The following AFG2A variants were observed in gnomAD, a reference collection of about 807,000 sequenced individuals.
AFG2A encodes AAA ATPase AFG2A.
chr4:123,024,351 A>T, the AFG2A span, among the ~76,000 whole-genome samples: 4 of 152,224 alleles, frequency 2.6e-5, no homozygotes, highest in South Asian at 6.2e-4. Context: ...TATGAAAAAA[A>T]GGCCAGGAAT....
At chr4:123,196,177 T>TG in the AFG2A span, among the ~76,000 whole-genome samples, 2 of 141,862 alleles carry the variant, frequency 1.4e-5, no homozygotes, top group African/African-American at 5.1e-5. Context: ...ATTTTTTTTT[T>TG]TTTTTTTTTT....
At chr4:122,949,019 AG>A in the AFG2A span, among the ~76,000 whole-genome samples, 1 of 152,202 alleles carries the variant, frequency 6.6e-6, no homozygotes, top group Non-Finnish European at 1.5e-5. Context: ...AGGGCTTAGG[AG>A]TTGATTAAAA....
chr4:123,236,066 G>A, the AFG2A span, among the ~76,000 whole-genome samples: 334 of 152,228 alleles, frequency 2.2e-3, 2 homozygotes, highest in Middle Eastern at 0.014. Context: ...ATACCTAGGA[G>A]TAAATGCCCC....
chr4:123,109,906 A>C, the AFG2A span, among the ~76,000 whole-genome samples: 1 of 152,178 alleles, frequency 6.6e-6, no homozygotes, highest in African/African-American at 2.4e-5. Flanking sequence ...TTTAGAAAGC[A>C]TCAGCTTTTC....
At chr4:122,923,840 AGTT>A in the AFG2A span, among the ~76,000 whole-genome samples, 1 of 152,280 alleles carries the variant, frequency 6.6e-6, no homozygotes, top group Admixed American at 6.5e-5. Flanking sequence ...TAGTAATGAC[AGTT>A]TTATAGAGGG....
the AFG2A span, among the ~76,000 whole-genome samples, chr4:123,050,912 T>A: frequency 6.6e-6 from 1 of 151,184 alleles, no homozygotes; most frequent in Non-Finnish European, 1.5e-5. Flanking sequence ...GCCCAGCTAA[T>A]TTTTTTTTAG....
At chr4:123,158,005 A>G in the AFG2A span, among the ~76,000 whole-genome samples, 1 of 152,148 alleles carries the variant, frequency 6.6e-6, no homozygotes, top group East Asian at 1.9e-4. Context: ...TTTGCCAGAT[A>G]CACCAGGCAG....
the AFG2A span, among the ~76,000 whole-genome samples, chr4:123,297,791 G>A: frequency 3.3e-5 from 5 of 151,920 alleles, no homozygotes; most frequent in Admixed American, 6.5e-5. Context: ...GCTGAACACC[G>A]TTTTTTGGAA....
the AFG2A span, among the ~76,000 whole-genome samples, chr4:122,952,880 C>T: frequency 1.3e-5 from 2 of 152,122 alleles, no homozygotes; most frequent in Non-Finnish European, 2.9e-5. Context: ...CAGTGCCTCT[C>T]CCGCCCTCTT....
chr4:123,207,515 G>T, the AFG2A span, among the ~76,000 whole-genome samples: 2 of 152,006 alleles, frequency 1.3e-5, no homozygotes, highest in Non-Finnish European at 2.9e-5. Context: ...TGGTAGAAAT[G>T]AGTTTCGCCA....
chr4:123,108,144 C>T, the AFG2A span, among the ~76,000 whole-genome samples: 1 of 152,174 alleles, frequency 6.6e-6, no homozygotes, highest in Non-Finnish European at 1.5e-5. Context: ...TCCTCACAGC[C>T]GCGCTCCAGA....
the AFG2A span, among the ~76,000 whole-genome samples, chr4:123,264,561 G>A: frequency 1.2e-4 from 18 of 152,124 alleles, no homozygotes; most frequent in African/African-American, 3.9e-4. Context: ...ATGGCTCTCT[G>A]TTGTAAATGA....
the AFG2A span, among the ~76,000 whole-genome samples, chr4:123,249,226 A>G: frequency 1.3e-5 from 2 of 152,180 alleles, no homozygotes; most frequent in Admixed American, 1.3e-4. Flanking sequence ...TGATAGACAA[A>G]GAGATAAAAT....
At chr4:123,065,775 C>A in the AFG2A span, among the ~76,000 whole-genome samples, 1 of 151,696 alleles carries the variant, frequency 6.6e-6, no homozygotes, top group African/African-American at 2.4e-5. Flanking sequence ...GAGAAATCAC[C>A]AACTACAGGA....
chr4:122,965,585 A>AT, the AFG2A span, among the ~76,000 whole-genome samples: 3 of 152,174 alleles, frequency 2.0e-5, no homozygotes, highest in Admixed American at 6.5e-5. Context: ...AAGATGATAC[A>AT]TTTTTTGTTG....
chr4:123,027,582 A>T, the AFG2A span, among the ~76,000 whole-genome samples: 1 of 152,110 alleles, frequency 6.6e-6, no homozygotes, highest in Non-Finnish European at 1.5e-5. Flanking sequence ...ACTGGTTGTT[A>T]TAGTTAGTTC....
chr4:123,056,027 A>T, the AFG2A span, among the ~76,000 whole-genome samples: 2 of 152,352 alleles, frequency 1.3e-5, no homozygotes, highest in South Asian at 2.1e-4. Context: ...TGGTAAGTAG[A>T]CCTGCTTAGA....
chr4:122,972,024 C>T, the AFG2A span, among the ~76,000 whole-genome samples: 1 of 151,824 alleles, frequency 6.6e-6, no homozygotes, highest in Non-Finnish European at 1.5e-5. Context: ...ATTATGCTAC[C>T]CTTGTGAATC....
At chr4:122,953,151 T>C in the AFG2A span, among the ~76,000 whole-genome samples, 1 of 152,158 alleles carries the variant, frequency 6.6e-6, no homozygotes, top group Non-Finnish European at 1.5e-5. Flanking sequence ...ACTAGACTGG[T>C]GTCCATTTCG....
Sources: gnomAD v4.1 joint callset for allele counts (sites outside exome capture counted in the v4.1 genomes callset) on GRCh38, gnomAD v4.1.1 for gene constraint, MANE v1.5 for transcripts, NCBI Gene and HGNC (gene_info 2026-07-23, HGNC 2026-07-21) for gene names.